Variants in UBE2G1 observed in about 807,000 individuals in gnomAD.
The protein encoded by UBE2G1 is ubiquitin-conjugating enzyme E2 G1.
Under a neutral mutation model 22.7 loss-of-function variants are expected in UBE2G1, and 5 were observed. That is an observed-to-expected ratio of 0.22 (90% CI 0.12 to 0.46). The LOEUF (loss-of-function observed/expected upper bound fraction) is 0.46. UBE2G1 is among the 20% of genes least tolerant of loss of function. UBE2G1 has a pLI of 0.99. For missense variants in UBE2G1, 88 were observed against 203.9 expected (o/e 0.43, Z 3.46); for synonymous variants, 74 against 67.5 (o/e 1.10, Z -0.47).
intron 1 of UBE2G1, among the ~76,000 whole-genome samples, chr17:4,323,001 C>A (rs550641610): frequency 1.3e-3 from 195 of 152,306 alleles, no homozygotes; most frequent in African/African-American, 4.5e-3. Context: ...GGTTTAAGAA[C>A]AGTACATAAA....
rs1474165724 is a variant in UBE2G1 at position 4,308,250 on chromosome 17, G to A, written c.47-1127C>T. ...TGCCTGTAATCCCAGTTACTCGGGAGGCTGAGGCAGAAAAACTGATTGAAC... is the reference window on the plus strand; with the variant it reads ...TGCCTGTAATCCCAGTTACTCGGGAAGCTGAGGCAGAAAAACTGATTGAAC... On this transcript the variant is annotated intron_variant, in intron 1 of 5. Transcript: ENST00000396981. Among the ~76,000 whole-genome samples, 3 of 152,210 alleles carry A rather than the reference G, an allele frequency of 2.0e-5. No homozygotes were observed. The East Asian group carries it at 5.8e-4, about 29-fold the overall frequency.
chr17:4,302,210 T>G (rs887750937), intron 2 of UBE2G1: 2 of 506,424 alleles, frequency 3.9e-6, no homozygotes, highest in African/African-American at 2.0e-5. Flanking sequence ...AGGCAGCAAG[T>G]GCAATGAACA....
At chr17:4,347,767 C>T (rs939674088) in intron 1 of UBE2G1, among the ~76,000 whole-genome samples, 13 of 152,096 alleles carry the variant, frequency 8.5e-5, no homozygotes, top group African/African-American at 2.9e-4. Context: ...TGAGCCACCG[C>T]GCCTGGCCAG....
In UBE2G1 at chr17:4,282,824, C is replaced by T; in HGVS notation, c.*11G>A. ...CTGAAATAAGTGAAGTTACTAGCTG[C>T]TAAATAAATGTCACTCAAAAGCAGT... is the stretch of plus-strand genomic sequence containing the variant. On this transcript the variant is annotated 3_prime_UTR_variant, in exon 5 of 6. Transcript: ENST00000396981. 1.2e-6 allele frequency: 2 copies of T among 1,605,468 alleles called. No individual in the cohort carries two copies. The highest frequency in any genetic ancestry group is 1.7e-6 in the Non-Finnish European group (2 of 1,176,562).
chr17:4,352,576 CAAG>C (rs1969856952), intron 1 of UBE2G1, among the ~76,000 whole-genome samples: 1 of 151,980 alleles, frequency 6.6e-6, no homozygotes, highest in Non-Finnish European at 1.5e-5. Flanking sequence ...GAGGAAAAGC[CAAG>C]AAGAAAACAA....
chr17:4,333,815 T>A (rs1430765762), intron 1 of UBE2G1, among the ~76,000 whole-genome samples: 1 of 151,374 alleles, frequency 6.6e-6, no homozygotes, highest in Non-Finnish European at 1.5e-5. Flanking sequence ...TGAGACTCCG[T>A]CTCAAAAAAA....
intron 1 of UBE2G1, among the ~76,000 whole-genome samples, chr17:4,321,793 G>A (rs1406420400): frequency 6.6e-6 from 1 of 151,702 alleles, no homozygotes; most frequent in African/African-American, 2.4e-5. Flanking sequence ...CCCAATGTTT[G>A]TTGCTATTAC....
intron 3 of UBE2G1, among the ~76,000 whole-genome samples, chr17:4,292,068 T>C (rs1297098919): frequency 6.6e-6 from 1 of 152,020 alleles, no homozygotes; most frequent in East Asian, 1.9e-4. Context: ...CTGTAATGTA[T>C]GGCTGGCCTG....
chr17:4,340,320 A>C (rs1969696791), intron 1 of UBE2G1, among the ~76,000 whole-genome samples: 1 of 152,204 alleles, frequency 6.6e-6, no homozygotes, highest in African/African-American at 2.4e-5. Context: ...ATAGCTACTG[A>C]ATTTTCAAAA....
chr17:4,320,385 G>A (rs918307593), intron 1 of UBE2G1, among the ~76,000 whole-genome samples: 4 of 151,998 alleles, frequency 2.6e-5, no homozygotes, highest in Non-Finnish European at 4.4e-5. Flanking sequence ...CTCTTCTTGC[G>A]ATAAATGTCT....
chr17:4,301,361 T>G, intron 2 of UBE2G1: 10 of 514,584 alleles, frequency 1.9e-5, no homozygotes, highest in East Asian at 8.0e-5. Context: ...AGGAGAAGGA[T>G]GAGAAAGCAT....
intron 2 of UBE2G1, chr17:4,301,698 G>C: frequency 1.4e-6 from 1 of 697,012 alleles, no homozygotes; most frequent in Non-Finnish European, 2.7e-6. Flanking sequence ...AATGTTTTTT[G>C]GCTGATGGAA....
At chr17:4,363,557 C>T (rs537790004) in intron 1 of UBE2G1, among the ~76,000 whole-genome samples, 1 of 152,280 alleles carries the variant, frequency 6.6e-6, no homozygotes, top group African/African-American at 2.4e-5. Context: ...ATAGGAAATC[C>T]TTTCACACAT....
At chr17:4,351,889 C>T (rs1182263167) in intron 1 of UBE2G1, among the ~76,000 whole-genome samples, 2 of 152,172 alleles carry the variant, frequency 1.3e-5, no homozygotes, top group Non-Finnish European at 2.9e-5. Flanking sequence ...ATACCAGATG[C>T]GGCCATCACC....
chr17:4,346,484 G>A (rs544048955), intron 1 of UBE2G1, among the ~76,000 whole-genome samples: 1 of 147,698 alleles, frequency 6.8e-6, no homozygotes, highest in East Asian at 2.0e-4. Flanking sequence ...GCCCAGGCTG[G>A]AGTGCAGTGG....
At chr17:4,306,906 T>A in intron 2 of UBE2G1, 115 bp downstream of exon 2, 1 of 871,724 alleles carries the variant, frequency 1.1e-6, no homozygotes, top group Non-Finnish European at 1.8e-6. Context: ...CGCCTTGGCC[T>A]CCCAAAGTGC....
chr17:4,304,919 C>T (rs1223855347), intron 2 of UBE2G1, among the ~76,000 whole-genome samples: 1 of 151,872 alleles, frequency 6.6e-6, no homozygotes, highest in African/African-American at 2.4e-5. Context: ...ATTACAAGAA[C>T]CTCACTACTT....
intron 1 of UBE2G1, among the ~76,000 whole-genome samples, chr17:4,324,637 C>CA (rs1421165208): frequency 6.6e-6 from 1 of 152,016 alleles, no homozygotes; most frequent in Non-Finnish European, 1.5e-5. Flanking sequence ...AGGCTGGTCT[C>CA]AAACTGCTGG....
At chr17:4,328,091 T>A (rs1053421011) in intron 1 of UBE2G1, among the ~76,000 whole-genome samples, 1 of 152,162 alleles carries the variant, frequency 6.6e-6, no homozygotes, top group African/African-American at 2.4e-5. Context: ...TAACTCCGAA[T>A]GGATCACCAA....
Sources: gnomAD v4.1 joint callset for allele counts (sites outside exome capture counted in the v4.1 genomes callset) on GRCh38, gnomAD v4.1.1 for gene constraint, MANE v1.5 for transcripts, NCBI Gene and HGNC (gene_info 2026-07-23, HGNC 2026-07-21) for gene names.